PRIM2: variants seen among roughly 807,000 people sequenced by gnomAD.
The protein encoded by PRIM2 is DNA primase large subunit.
Under a neutral mutation model 67.3 loss-of-function variants are expected in PRIM2, and 39 were observed. The ratio of observed to expected loss-of-function variants is 0.58; its 90% CI spans 0.45 to 0.76. The LOEUF is 0.76. Among genes scored for constraint, PRIM2 ranks in the 30% least tolerant of loss-of-function variants. The probability of loss-of-function intolerance (pLI) is 0.00; values close to 1 mark genes in which losing one functional copy is unlikely to be tolerated. For missense variants in PRIM2, 398 were observed against 598.7 expected (o/e 0.66, Z 3.50); for synonymous variants, 143 against 198.7 (o/e 0.72, Z 2.36).
intron 10 of PRIM2, among the ~76,000 whole-genome samples, chr6:57,549,684 G>C (rs1366468692): frequency 3.3e-5 from 5 of 152,130 alleles, no homozygotes; most frequent in African/African-American, 7.2e-5. Flanking sequence ...TTAACTTCTA[G>C]ACACAAATAT....
chr6:57,563,188 A>T (rs1232052908), intron 10 of PRIM2, among the ~76,000 whole-genome samples: 1,814 of 152,196 alleles, frequency 0.012, 29 homozygotes, highest in African/African-American at 0.041. Context: ...TTTTGGGAAT[A>T]GCCTTTTGAT....
At chr6:57,513,594 G>A (rs1434352555) in intron 8 of PRIM2, among the ~76,000 whole-genome samples, 3 of 152,166 alleles carry the variant, frequency 2.0e-5, no homozygotes, top group Middle Eastern at 3.2e-3. Context: ...ATAAGTCACT[G>A]TAATAGTTGC....
At chr6:57,229,485 T>C in the PRIM2 span, among the ~76,000 whole-genome samples, 2 of 78,914 alleles carry the variant, frequency 2.5e-5, no homozygotes, top group East Asian at 2.9e-3. Flanking sequence ...TAATTCTTTT[T>C]TTATTTATTT....
chr6:57,644,617 C>T lies in PRIM2; in HGVS notation c.1300-1311C>T, dbSNP rs1484529247. Among the ~76,000 whole-genome samples the T allele has an allele frequency of 1.4e-3, 207 of 152,286 alleles. 4 individuals are homozygous for T. In the East Asian group the frequency reaches 0.018, roughly 13 times the overall value. Reference sequence around the variant, plus strand: ...AAATTATCACTGGTATACACTATTTCTGGGTTCACTTCACCAAATATTTAT... The same window carrying T: ...AAATTATCACTGGTATACACTATTTTTGGGTTCACTTCACCAAATATTTAT... On this transcript the variant is annotated intron_variant, in intron 13 of 13. Coordinates refer to ENST00000615550, the MANE Select transcript of PRIM2 (RefSeq NM_000947.5).
intron 12 of PRIM2, among the ~76,000 whole-genome samples, chr6:57,612,125 A>G (rs1257190746): frequency 6.6e-5 from 10 of 152,218 alleles, no homozygotes; most frequent in African/African-American, 2.4e-4. Flanking sequence ...AAAGTCTCAT[A>G]CAATAGTGGA....
intron 1 of PRIM2, 102 bp from the exon 2 acceptor site, chr6:57,318,335 T>A (rs958383806): frequency 8.3e-7 from 1 of 1,203,514 alleles, no homozygotes; most frequent in African/African-American, 1.5e-5. Context: ...CTCAAATCCA[T>A]TTTTTTTCTG....
the PRIM2 span, among the ~76,000 whole-genome samples, chr6:57,249,197 C>G: frequency 6.6e-6 from 1 of 152,274 alleles, no homozygotes; most frequent in East Asian, 1.9e-4. Context: ...GAGTGAAAAT[C>G]TAAACTAGCT....
chr6:57,640,122 C>A (rs1308270736), intron 13 of PRIM2, among the ~76,000 whole-genome samples: 1 of 152,104 alleles, frequency 6.6e-6, no homozygotes, highest in Non-Finnish European at 1.5e-5. Context: ...TAAACAGAAC[C>A]AATGACAAAA....
chr6:57,558,809 C>T (rs1185937315), intron 10 of PRIM2, among the ~76,000 whole-genome samples: 3 of 152,016 alleles, frequency 2.0e-5, no homozygotes, highest in Non-Finnish European at 1.5e-5. Context: ...TGCCAAGATG[C>T]TAACTTTTAG....
intron 2 of PRIM2, among the ~76,000 whole-genome samples, chr6:57,319,428 G>A (rs1351454184): frequency 6.6e-6 from 1 of 152,222 alleles, no homozygotes; most frequent in Non-Finnish European, 1.5e-5. Context: ...GAGGAGCAGG[G>A]TAAGCACTGC....
chr6:57,338,815 C>T (rs1372793415), intron 5 of PRIM2, among the ~76,000 whole-genome samples: 17 of 143,208 alleles, frequency 1.2e-4, no homozygotes, highest in Non-Finnish European at 2.6e-4. Flanking sequence ...TGCCCTCTCT[C>T]ACCACTCCTA....
At chr6:57,284,274 C>A in the PRIM2 span, among the ~76,000 whole-genome samples, 1 of 152,152 alleles carries the variant, frequency 6.6e-6, no homozygotes, top group East Asian at 1.9e-4. Flanking sequence ...ATAAGACAAA[C>A]CAGCTGCACT....
intron 9 of PRIM2, among the ~76,000 whole-genome samples, chr6:57,535,005 C>T (rs1349870812): frequency 1.3e-5 from 2 of 152,028 alleles, no homozygotes; most frequent in South Asian, 2.1e-4. Flanking sequence ...ATTCATTGTC[C>T]GTCTCCTCCT....
chr6:57,436,721 T>G (rs1046849326), intron 7 of PRIM2, among the ~76,000 whole-genome samples: 12 of 152,220 alleles, frequency 7.9e-5, no homozygotes, highest in Admixed American at 6.5e-5. Context: ...CAGATTTATT[T>G]TCCCGAAAAT....
intron 10 of PRIM2, among the ~76,000 whole-genome samples, chr6:57,583,331 CCCCCA>C (rs1377308691): frequency 1.0e-5 from 1 of 95,358 alleles, no homozygotes; most frequent in Non-Finnish European, 2.0e-5. Flanking sequence ...CTCCCCCCTC[CCCCCA>C]CCCCACAACA....
the PRIM2 span, among the ~76,000 whole-genome samples, chr6:57,299,308 A>C: frequency 6.6e-6 from 1 of 152,188 alleles, no homozygotes; most frequent in Non-Finnish European, 1.5e-5. Flanking sequence ...AAATCTCCTT[A>C]CTATACCATT....
chr6:57,236,931 GT>G, the PRIM2 span, among the ~76,000 whole-genome samples: 2,070 of 152,264 alleles, frequency 0.014, 45 homozygotes, highest in African/African-American at 0.047. Flanking sequence ...GTAAATACCA[GT>G]AATGGGATGG....
chr6:57,363,701 T>G (rs1177753213), intron 5 of PRIM2, among the ~76,000 whole-genome samples: 1 of 152,184 alleles, frequency 6.6e-6, no homozygotes, highest in Admixed American at 6.5e-5. Context: ...TAATTTACTT[T>G]TGTTTGATTT....
intron 10 of PRIM2, among the ~76,000 whole-genome samples, chr6:57,578,626 G>T (rs1429188842): frequency 2.6e-5 from 4 of 151,390 alleles, no homozygotes; most frequent in African/African-American, 9.7e-5. Flanking sequence ...AGCTCTTTCA[G>T]ATTGGCTCCT....
Sources: allele counts gnomAD v4.1 joint callset (sites outside exome capture counted in the v4.1 genomes callset), GRCh38; gene constraint gnomAD v4.1.1; transcripts MANE v1.5; gene names NCBI Gene and HGNC (gene_info 2026-07-23, HGNC 2026-07-21).